SEC31A: variants seen among roughly 807,000 people sequenced by gnomAD.
SEC31A encodes the protein protein transport protein Sec31A.
A neutral mutation model predicts 151.0 loss-of-function variants in SEC31A; 70 were observed. That is an observed-to-expected ratio of 0.46 (90% CI 0.38 to 0.57). The LOEUF (loss-of-function observed/expected upper bound fraction) is 0.57, where lower values mean the gene tolerates loss of function less well. SEC31A is among the 20% of genes least tolerant of loss of function. The pLI, the probability that SEC31A is intolerant of heterozygous loss-of-function variation, is 0.00. For missense variants in SEC31A, 1,330 were observed against 1,471.2 expected, an observed-to-expected ratio of 0.90 and a Z score of 1.57; for synonymous variants, 475 against 505.9, an observed-to-expected ratio of 0.94 and a Z score of 0.82.
chr4:82,871,296 G>A, intron 7 of SEC31A: 1 of 1,376,222 alleles, frequency 7.3e-7, no homozygotes, highest in South Asian at 1.6e-5. Flanking sequence ...AAATTATATT[G>A]GGATTATACA....
rs992658033 is a variant in SEC31A, at chr4:82,827,400, G to A, written c.3260C>T (p.Ala1087Val). Residue 1087 changes from alanine (A) to valine (V), a missense_variant, in exon 24 of 27, where the codon GCC becomes GTC. Physicochemically the swap from Ala to Val is moderately conservative, Grantham distance 64 (BLOSUM62 0). Coordinates refer to ENST00000395310, the MANE Select transcript of SEC31A (RefSeq NM_001077207.4). ...GGTATTTCCAATAGGAGCCCCTGGG[G>A]CACCTTCAATATTGGGCTTTGAAAA... ...PSFSKPNIEG[A>V]PGAPIGNTFQ... 1 of 1,614,028 alleles carries A rather than the reference G, an allele frequency of 6.2e-7. No homozygotes were observed.
At chr4:82,891,168 TC>T (rs750314266), upstream of SEC31A, 72 of 1,535,278 alleles carry the variant, frequency 4.7e-5, no homozygotes, top group Non-Finnish European at 5.8e-5. Context: ...CCGCCCCTCC[TC>T]CCCGGCCAGG....
chr4:82,850,415 T>C (rs1578224875), intron 19 of SEC31A, among the ~76,000 whole-genome samples: 1 of 152,258 alleles, frequency 6.6e-6, no homozygotes, highest in East Asian at 1.9e-4. Context: ...GCTAAGTGTA[T>C]ACAAAACCAA....
At chr4:82,848,757 A>C in intron 20 of SEC31A, 47 bp downstream of exon 20, 4 of 1,519,398 alleles carry the variant, frequency 2.6e-6, no homozygotes, top group Non-Finnish European at 8.9e-7. Context: ...ACCAATTTGA[A>C]GAGAAATACA....
At chr4:82,824,470 G>A (rs955319894) in intron 25 of SEC31A, 85 bp downstream of exon 25, 22 of 1,447,210 alleles carry the variant, frequency 1.5e-5, no homozygotes, top group Non-Finnish European at 2.0e-5. Flanking sequence ...CTCCCAAAGT[G>A]CTGGGATTAC....
chr4:82,867,383 T>C (rs886673085), intron 8 of SEC31A, 67 bp from the exon 9 acceptor site: 14 of 1,321,200 alleles, frequency 1.1e-5, no homozygotes, highest in Non-Finnish European at 1.3e-5. Context: ...CCAAAACACC[T>C]GAATTAATGT....
upstream of SEC31A, among the ~76,000 whole-genome samples, chr4:82,891,560 A>G (rs957346604): frequency 6.6e-6 from 1 of 152,206 alleles, no homozygotes; most frequent in Non-Finnish European, 1.5e-5. Context: ...CCCGCGCCAA[A>G]CCAGGTGGAA....
At chr4:82,872,156 T>TA in intron 6 of SEC31A, 70 bp from the exon 7 acceptor site, 1 of 1,097,644 alleles carries the variant, frequency 9.1e-7, no homozygotes, top group Non-Finnish European at 1.4e-6. Flanking sequence ...CAACGAGAAA[T>TA]ATACCTTTAT....
At chr4:82,843,319 G>A (rs1298699494) in intron 21 of SEC31A, among the ~76,000 whole-genome samples, 1 of 151,940 alleles carries the variant, frequency 6.6e-6, no homozygotes, top group Non-Finnish European at 1.5e-5. Context: ...TTTTTCTTTT[G>A]TAGAGATGGC....
chr4:82,824,592 T>G lies in SEC31A; in HGVS notation c.3374A>C (p.Asp1125Ala). The change falls in exon 25 of 27, where the codon GAT becomes GCT. Residue 1125 changes from aspartate (D) to alanine (A), a missense_variant. Asp to Ala is a moderately radical substitution (Grantham distance 126, BLOSUM62 -2). Coordinates refer to ENST00000395310, the MANE Select transcript of SEC31A (RefSeq NM_001077207.4). The part of the protein sequence containing the change: ...EHLILKTTFE[D>A]LIQRCLSSAT... ...TGAAGAAAGGCAGCGCTGAATAAGATCCTCAAATGTGGTCTTTAGAATGAG... is the reference window on the plus strand; with the variant it reads ...TGAAGAAAGGCAGCGCTGAATAAGAGCCTCAAATGTGGTCTTTAGAATGAG... 1 of 1,614,032 alleles carries G rather than the reference T, an allele frequency of 6.2e-7. No homozygotes were observed. The highest frequency in any genetic ancestry group is 1.1e-5 in the South Asian group (1 of 91,050).
At chr4:82,861,502 C>T in intron 14 of SEC31A, 129 bp downstream of exon 14, 1 of 596,244 alleles carries the variant, frequency 1.7e-6, no homozygotes, top group Admixed American at 2.8e-5. Flanking sequence ...CTATCCTAAA[C>T]ATCTCAAAGA....
intron 22 of SEC31A, among the ~76,000 whole-genome samples, chr4:82,837,328 TTTTTA>T (rs1420515212): frequency 6.6e-6 from 1 of 151,512 alleles, no homozygotes; most frequent in Non-Finnish European, 1.5e-5. Flanking sequence ...TTATAGGTAA[TTTTTA>T]TTTTATTTTT....
chr4:82,890,866 G>A (rs1371560998), intron 1 of SEC31A: 1 of 1,385,272 alleles, frequency 7.2e-7, no homozygotes, highest in Non-Finnish European at 9.3e-7. Flanking sequence ...CTCAGCAGTG[G>A]AGACGTCGGC....
chr4:82,822,898 G>A (rs1723677900), intron 25 of SEC31A, among the ~76,000 whole-genome samples: 1 of 152,094 alleles, frequency 6.6e-6, no homozygotes, highest in Non-Finnish European at 1.5e-5. Flanking sequence ...TCTTGAACCT[G>A]GGAGGCGGAG....
chr4:82,884,181 G>T (rs570989000), intron 1 of SEC31A, among the ~76,000 whole-genome samples: 28 of 151,726 alleles, frequency 1.8e-4, no homozygotes, highest in African/African-American at 6.5e-4. Context: ...TAGAGACGGG[G>T]TTTCACCATG....
rs1046017216 is a variant in SEC31A, at chr4:82,888,364, A to AC, written c.-5+2723_-5+2724insG. ...AGACTCCGTCTCAAAAAAAAAAAAA[A>AC]AAAAAAAAACACACAAAAAACATAT... On this transcript the variant is annotated intron_variant, in intron 1 of 26. Coordinates refer to ENST00000395310, the MANE Select transcript of SEC31A (RefSeq NM_001077207.4). Among the ~76,000 whole-genome samples the AC allele has an allele frequency of 8.9e-4, 89 of 99,468 alleles. 2 individuals carry two copies. Among genetic ancestry groups the AC allele is most frequent in the African/African-American group, 2.2e-3 (78 of 35,568 alleles). 65.3% of individuals were successfully genotyped at this position (99,468 alleles called of 152,430 possible).
chr4:82,839,575 C>T (rs1728274947), intron 22 of SEC31A, among the ~76,000 whole-genome samples: 3 of 152,200 alleles, frequency 2.0e-5, no homozygotes, highest in African/African-American at 4.8e-5. Flanking sequence ...TGTGAGCTAC[C>T]GTGCCCAGCC....
intron 6 of SEC31A, among the ~76,000 whole-genome samples, chr4:82,873,922 A>T (rs954046581): frequency 3.3e-5 from 5 of 152,216 alleles, no homozygotes; most frequent in Admixed American, 6.5e-5. Flanking sequence ...GAGGCCAAGA[A>T]GTCAAATATT....
intron 10 of SEC31A, among the ~76,000 whole-genome samples, 180 bp from the exon 11 acceptor site, chr4:82,864,778 G>GT (rs747994924): frequency 2.8e-3 from 397 of 143,566 alleles, no homozygotes; most frequent in East Asian, 4.6e-3. Context: ...TGGTTTTTTG[G>GT]TTTTTTTTTT....
Sources: allele counts gnomAD v4.1 joint callset (sites outside exome capture counted in the v4.1 genomes callset), GRCh38; gene constraint gnomAD v4.1.1; transcripts MANE v1.5; gene names NCBI Gene and HGNC (gene_info 2026-07-23, HGNC 2026-07-21).